MOB3B: variants seen among roughly 807,000 people sequenced by gnomAD.
The protein encoded by MOB3B is MOB kinase activator 3B.
In MOB3B, 7 loss-of-function variants were observed where a neutral mutation model predicts 18.7. The ratio of observed to expected loss-of-function variants is 0.37; its 90% CI spans 0.21 to 0.70. The LOEUF is 0.70. Ranked by LOEUF, MOB3B falls within the 30% of genes least tolerant of loss-of-function variation. The probability of loss-of-function intolerance (pLI) is 0.52; values close to 1 mark genes in which losing one functional copy is unlikely to be tolerated. For missense variants in MOB3B, 253 were observed against 281.3 expected, an observed-to-expected ratio of 0.90 and a Z score of 0.72; for synonymous variants, 111 against 99.9, an observed-to-expected ratio of 1.11 and a Z score of -0.66.
At chr9:27,480,302 A>AT (rs371803996) in intron 1 of MOB3B, among the ~76,000 whole-genome samples, 44,704 of 140,876 alleles carry the variant, frequency 0.32, 8,230 homozygotes, top group African/African-American at 0.5. Flanking sequence ...ATGCCCAGCT[A>AT]TTTTTTTTTT....
chr9:27,488,216 C>G (rs1484901447), intron 1 of MOB3B, among the ~76,000 whole-genome samples: 1 of 152,180 alleles, frequency 6.6e-6, no homozygotes, highest in Non-Finnish European at 1.5e-5. Context: ...AGGCAGAATA[C>G]AGAGAGACTT....
At chr9:27,468,448 C>G (rs942886511) in intron 1 of MOB3B, among the ~76,000 whole-genome samples, 2 of 152,212 alleles carry the variant, frequency 1.3e-5, no homozygotes, top group African/African-American at 2.4e-5. Context: ...AAACTTCTCT[C>G]TGGCTTAACT....
intron 3 of MOB3B, among the ~76,000 whole-genome samples, chr9:27,331,156 A>G (rs759933655): frequency 5.3e-5 from 8 of 152,326 alleles, no homozygotes; most frequent in Non-Finnish European, 1.0e-4. Flanking sequence ...GAAATGAATA[A>G]TACACCAAAG....
At chr9:27,337,735 G>A (rs1275146202) in intron 3 of MOB3B, among the ~76,000 whole-genome samples, 1 of 152,206 alleles carries the variant, frequency 6.6e-6, no homozygotes, top group Non-Finnish European at 1.5e-5. Flanking sequence ...ACAGCAATCA[G>A]TGAGGTTTCT....
At chr9:27,426,476 G>T (rs1035380076) in intron 2 of MOB3B, among the ~76,000 whole-genome samples, 22 of 152,158 alleles carry the variant, frequency 1.4e-4, no homozygotes, top group Admixed American at 6.5e-5. Flanking sequence ...TGCACACAGA[G>T]GTCCAGGCAG....
At chr9:27,447,043 T>A (rs1224611286) in intron 2 of MOB3B, among the ~76,000 whole-genome samples, 3 of 152,170 alleles carry the variant, frequency 2.0e-5, no homozygotes, top group Non-Finnish European at 4.4e-5. Context: ...AGGTCCTGTC[T>A]GCAGAGACCT....
At chr9:27,415,062 A>T in intron 2 of MOB3B, among the ~76,000 whole-genome samples, 1 of 151,720 alleles carries the variant, frequency 6.6e-6, no homozygotes, top group Non-Finnish European at 1.5e-5. Flanking sequence ...GGGTTTCACC[A>T]TGTTGGCCAG....
At chr9:27,470,114 GAAAA>G (rs751414011) in intron 1 of MOB3B, among the ~76,000 whole-genome samples, 5 of 125,968 alleles carry the variant, frequency 4.0e-5, no homozygotes, top group South Asian at 2.6e-4. Context: ...TCTCTTAAAA[GAAAA>G]AAAAAAAAAA....
intron 1 of MOB3B, among the ~76,000 whole-genome samples, chr9:27,468,827 G>C (rs1052248808): frequency 6.6e-6 from 1 of 152,146 alleles, no homozygotes; most frequent in Non-Finnish European, 1.5e-5. Flanking sequence ...TGGACAAAAG[G>C]AATCTTTTCA....
At position 27,365,166 on chromosome 9, in the gene MOB3B, A is replaced by AAAAAAAAAAAAAAAG. The variant is rs1821325269; in HGVS notation, c.419-5931_419-5930insCTTTTTTTTTTTTTT. On this transcript the variant is annotated intron_variant, in intron 2 of 3. Coordinates refer to ENST00000262244, the MANE Select transcript of MOB3B (RefSeq NM_024761.5). ...TCATCTCCTGTTTGGGGGAGGCAAA[A>AAAAAAAAAAAAAAAG]AAAAAAAAAGAAAACCCACAGCAGA... 3.3e-5 allele frequency among the ~76,000 whole-genome samples: 5 copies of AAAAAAAAAAAAAAAG among 150,600 alleles called. 1 individual carries two copies. The highest frequency in any genetic ancestry group is 5.9e-5 in the Non-Finnish European group (4 of 67,640).
chr9:27,360,503 T>TCAAA lies in MOB3B; in HGVS notation c.419-1271_419-1268dup, dbSNP rs556312671. Among the ~76,000 whole-genome samples the TCAAA allele has an allele frequency of 1.0e-3, 156 of 152,236 alleles. 1 individual carries two copies. The highest frequency in any genetic ancestry group is 3.5e-3 in the African/African-American group (144 of 41,544). On this transcript the variant is annotated intron_variant, in intron 2 of 3. Transcript: ENST00000262244. ...CTTGGCGACAGAGTGAGACTCCGTCTCAAACAAACAAACAAACAAAACCAA... is the reference window on the plus strand; with the variant it reads ...CTTGGCGACAGAGTGAGACTCCGTCTCAAACAAACAAACAAACAAACAAAACCAA...
chr9:27,507,409 CA>C (rs1820076306), intron 1 of MOB3B, among the ~76,000 whole-genome samples: 2 of 152,198 alleles, frequency 1.3e-5, no homozygotes, highest in Admixed American at 6.5e-5. Flanking sequence ...CCTCACTGGA[CA>C]TCTCTTACGG....
At chr9:27,383,195 T>G (rs1587170790) in intron 2 of MOB3B, among the ~76,000 whole-genome samples, 1 of 152,134 alleles carries the variant, frequency 6.6e-6, no homozygotes, top group African/African-American at 2.4e-5. Flanking sequence ...AACCTCTCTG[T>G]GCCTTGGAGG....
intron 3 of MOB3B, among the ~76,000 whole-genome samples, chr9:27,346,982 C>T (rs990333467): frequency 6.6e-6 from 1 of 152,016 alleles, no homozygotes; most frequent in South Asian, 2.1e-4. Flanking sequence ...GGTAACAGAG[C>T]AAGACTCTAT....
intron 1 of MOB3B, among the ~76,000 whole-genome samples, chr9:27,528,613 G>A (rs1031555447): frequency 1.3e-5 from 2 of 152,260 alleles, no homozygotes; most frequent in Admixed American, 1.3e-4. Flanking sequence ...GGGCCGGGGA[G>A]GGGGACCAGA....
intron 2 of MOB3B, among the ~76,000 whole-genome samples, chr9:27,399,182 A>G (rs985805824): frequency 6.6e-6 from 1 of 152,166 alleles, no homozygotes; most frequent in Non-Finnish European, 1.5e-5. Context: ...TAAACTCAAG[A>G]TGCAAATTTA....
chr9:27,402,724 T>G (rs906488472), intron 2 of MOB3B, among the ~76,000 whole-genome samples: 1 of 152,230 alleles, frequency 6.6e-6, no homozygotes, highest in Non-Finnish European at 1.5e-5. Flanking sequence ...CCCTTTGGTG[T>G]TGTGTGGACA....
At chr9:27,486,941 G>C (rs1188721275) in intron 1 of MOB3B, among the ~76,000 whole-genome samples, 1 of 152,018 alleles carries the variant, frequency 6.6e-6, no homozygotes, top group Non-Finnish European at 1.5e-5. Flanking sequence ...GACCAGCCTG[G>C]CCAACATGGT....
At chr9:27,371,515 A>G (rs1821414409) in intron 2 of MOB3B, among the ~76,000 whole-genome samples, 1 of 152,262 alleles carries the variant, frequency 6.6e-6, no homozygotes, top group Non-Finnish European at 1.5e-5. Flanking sequence ...GGGATAGGGA[A>G]GAAACCAGAA....
Sources: gnomAD v4.1 joint callset for allele counts (sites outside exome capture counted in the v4.1 genomes callset) on GRCh38, gnomAD v4.1.1 for gene constraint, MANE v1.5 for transcripts, NCBI Gene and HGNC (gene_info 2026-07-23, HGNC 2026-07-21) for gene names.